The following VWCE variants were observed in gnomAD, a reference collection of about 807,000 sequenced individuals.
VWCE encodes von Willebrand factor C and EGF domain-containing protein.
Under a neutral mutation model 102.9 loss-of-function variants are expected in VWCE, and 68 were observed. That is an observed-to-expected ratio of 0.66 (90% CI 0.54 to 0.81). The LOEUF (loss-of-function observed/expected upper bound fraction) is 0.81, where lower values mean the gene tolerates loss of function less well. Ranked by LOEUF, VWCE falls within the 30% of genes least tolerant of loss-of-function variation. The pLI is 0.00. For synonymous variants in VWCE, 497 were observed against 515.4 expected, an observed-to-expected ratio of 0.96 and a Z score of 0.48; for missense variants, 1,137 against 1,263.6, an observed-to-expected ratio of 0.90 and a Z score of 1.52.
In VWCE at chr11:61,259,982, G is replaced by A. The variant is rs117668244; in HGVS notation, c.2231-670C>T. On this transcript the variant is annotated intron_variant, in intron 19 of 19. Transcript: ENST00000335613. The stretch of plus-strand genomic sequence containing the variant: ...ATCAAAAATGCATTTCTGACCAAGC[G>A]CAGTGGCTCACGCCTGTAATCCCAA... 3.4e-3 allele frequency among the ~76,000 whole-genome samples: 525 copies of A among 152,326 alleles called. 1 individual carries two copies. The highest frequency in any genetic ancestry group is 0.014 in the Middle Eastern group (4 of 294).
At chr11:61,273,071 C>T (rs572010272) in intron 13 of VWCE, 128 bp downstream of exon 13, 437 of 908,138 alleles carry the variant, frequency 4.8e-4, no homozygotes, top group Non-Finnish European at 6.1e-4. Context: ...CTCATACACA[C>T]GCACACAAAG....
intron 9 of VWCE, among the ~76,000 whole-genome samples, chr11:61,280,058 A>G (rs1219553837): frequency 6.6e-6 from 1 of 152,142 alleles, no homozygotes; most frequent in Non-Finnish European, 1.5e-5. Flanking sequence ...AATCCCCTTG[A>G]TTCAACTGCA....
intron 4 of VWCE, among the ~76,000 whole-genome samples, chr11:61,289,020 G>T (rs981599449): frequency 6.6e-6 from 1 of 151,376 alleles, no homozygotes; most frequent in East Asian, 2.0e-4. Flanking sequence ...TGTATTTTTA[G>T]TAGAGACGGG....
Position 61,280,830 on chromosome 11 carries a change from C to A in VWCE, c.1193G>T (p.Arg398Leu), listed in dbSNP as rs755232606. 1.9e-6 allele frequency: 3 copies of A among 1,562,080 alleles called. No homozygotes were observed. The highest frequency in any genetic ancestry group is 2.6e-6 in the Non-Finnish European group (3 of 1,154,912). The change falls in exon 8 of 20, where the codon CGC (arginine) becomes CTC (leucine). Residue 398 changes from arginine to leucine, a missense_variant. By Grantham distance (102) the Arg-to-Leu change is moderately radical. Transcript: ENST00000335613. ...HLGAMHESRS[R>L]WTEPGCSQCW... ...CTGGGAACACCCAGGCTCTGTCCAG[C>A]GACTCCTTGATTCATGCATGGCTCC... is the stretch of plus-strand genomic sequence containing the variant.
chr11:61,265,692 C>A (rs1010068783), intron 16 of VWCE, among the ~76,000 whole-genome samples: 1 of 152,256 alleles, frequency 6.6e-6, no homozygotes, highest in Non-Finnish European at 1.5e-5. Flanking sequence ...AATACCGCAT[C>A]TGCACCCACA....
At chr11:61,280,753 G>A in intron 8 of VWCE, 36 bp from the exon 9 acceptor site, 3 of 1,613,320 alleles carry the variant, frequency 1.9e-6, no homozygotes, top group Non-Finnish European at 2.5e-6. Context: ...CCACCACAAG[G>A]CCCCAGACCA....
intron 5 of VWCE, among the ~76,000 whole-genome samples, chr11:61,283,882 T>C (rs1393765003): frequency 1.3e-5 from 2 of 152,210 alleles, no homozygotes; most frequent in African/African-American, 4.8e-5. Flanking sequence ...CTGTTTGAAA[T>C]TGTGAAAAAC....
chr11:61,258,618 A>C lies in VWCE; in HGVS notation c.*57T>G. The stretch of plus-strand genomic sequence containing the variant: ...TCATCCTTGGAGCTGCCCTGCACAC[A>C]CCCTGGGCCACTGGCAGAGGTCCTC... On this transcript the variant is annotated 3_prime_UTR_variant, in exon 20 of 20. Transcript: ENST00000335613. 7.5e-7 allele frequency: 1 copy of C among 1,330,888 alleles called. No homozygotes were observed. Among genetic ancestry groups the C allele is most frequent in the Non-Finnish European group, 9.7e-7 (1 of 1,034,662 alleles). 82.4% of individuals were successfully genotyped at this position (1,330,888 alleles called of 1,614,324 possible). A position where few individuals can be genotyped will look rare whatever the true frequency, so the allele number is the denominator to read the frequency against.
intron 14 of VWCE, chr11:61,271,171 CCTT>C (rs1223089464): frequency 1.9e-5 from 3 of 155,398 alleles, no homozygotes; most frequent in African/African-American, 4.9e-5. Context: ...TTTTGAGACT[CCTT>C]CTTGCTTTGT....
At position 61,261,576 on chromosome 11, in the gene VWCE, T is replaced by TA. The variant is rs35416433; in HGVS notation, c.2231-2265dup. ...GGGCAACATAGCAAGACCTTGTCTC[T>TA]AAAAAAAAAAAAGTAAAAAAATTAA... is the stretch of plus-strand genomic sequence containing the variant. On this transcript the variant is annotated intron_variant, in intron 19 of 19. Transcript: ENST00000335613. Among the ~76,000 whole-genome samples the TA allele has an allele frequency of 6.8e-3, 951 of 140,424 alleles. 11 individuals are homozygous for TA. Among genetic ancestry groups the TA allele is most frequent in the African/African-American group, 0.021 (814 of 38,254 alleles). The allele number at this position is 140,424 out of a possible 152,430, so 92.1% of individuals were successfully genotyped here.
At chr11:61,261,272 C>T (rs533194597) in intron 19 of VWCE, among the ~76,000 whole-genome samples, 6 of 150,810 alleles carry the variant, frequency 4.0e-5, no homozygotes, top group South Asian at 2.1e-4. Flanking sequence ...AAAAATCAGA[C>T]GTTGTCAAGC....
chr11:61,258,834 C>G lies in VWCE; in HGVS notation c.2709G>C (p.Met903Ile), dbSNP rs1854263487. The G allele has an allele frequency of 6.6e-7, 1 of 1,514,778 alleles. No individual in the cohort carries two copies. Among genetic ancestry groups the G allele is most frequent in the Admixed American group, 2.3e-5 (1 of 43,788 alleles). The allele number at this position is 1,514,778 out of a possible 1,614,324, so 93.8% of individuals were successfully genotyped here. The stretch of plus-strand genomic sequence containing the variant: ...GGGTCTTCGAGGGGCTGGGGTCCAT[C>G]ATGGAAAGTGCTGAAGCTTCCGTCA... Reference protein sequence around the residue: ...TLLTEASALSMMDPSPSKTPI... With the variant: ...TLLTEASALSIMDPSPSKTPI... The change falls in exon 20 of 20, where the codon ATG (methionine) becomes ATC (isoleucine). Residue 903 changes from methionine (M) to isoleucine (I), a missense_variant. Coordinates refer to ENST00000335613, the MANE Select transcript of VWCE (RefSeq NM_152718.2).
At chr11:61,282,571 G>A (rs1371797410) in intron 6 of VWCE, 5 of 534,098 alleles carry the variant, frequency 9.4e-6, no homozygotes, top group Non-Finnish European at 1.7e-5. Context: ...ATAACAGGAT[G>A]AAAGTGGCAA....
intron 4 of VWCE, among the ~76,000 whole-genome samples, chr11:61,287,699 G>A (rs1380434888): frequency 6.6e-6 from 1 of 152,222 alleles, no homozygotes; most frequent in Non-Finnish European, 1.5e-5. Flanking sequence ...GCGACTGGCT[G>A]AGAGGACCAG....
chr11:61,285,150 T>G (rs1855274475), intron 5 of VWCE, among the ~76,000 whole-genome samples: 1 of 152,066 alleles, frequency 6.6e-6, no homozygotes, highest in South Asian at 2.1e-4. Flanking sequence ...TGGAATTTTA[T>G]CATGGCCGCC....
chr11:61,275,281 G>A (rs954501538), intron 11 of VWCE, among the ~76,000 whole-genome samples: 1 of 152,072 alleles, frequency 6.6e-6, no homozygotes, highest in African/African-American at 2.4e-5. Flanking sequence ...CCACTCCAGC[G>A]AAAAAACAGC....
intron 1 of VWCE, among the ~76,000 whole-genome samples, chr11:61,291,815 A>G (rs1326125709): frequency 6.6e-6 from 1 of 152,244 alleles, no homozygotes; most frequent in Non-Finnish European, 1.5e-5. Flanking sequence ...ACGTGAACAC[A>G]CAGCAGAGTG....
intron 4 of VWCE, 38 bp from the exon 5 acceptor site, chr11:61,286,468 TC>T: frequency 6.3e-7 from 1 of 1,579,576 alleles, no homozygotes; most frequent in Non-Finnish European, 8.7e-7. Context: ...ACAGTGGTCC[TC>T]GCAAGAGGAA....
At chr11:61,264,865 C>T in intron 18 of VWCE, 91 bp downstream of exon 18, 1 of 1,397,702 alleles carries the variant, frequency 7.2e-7, no homozygotes, top group Non-Finnish European at 9.9e-7. Context: ...TGGATTTATG[C>T]TGGCTAAAGG....
Sources: gnomAD v4.1 joint callset for allele counts (sites outside exome capture counted in the v4.1 genomes callset) on GRCh38, gnomAD v4.1.1 for gene constraint, MANE v1.5 for transcripts, NCBI Gene and HGNC (gene_info 2026-07-23, HGNC 2026-07-21) for gene names.